CRHR1: variants seen among roughly 807,000 people sequenced by gnomAD.
CRHR1 encodes the protein corticotropin-releasing hormone receptor 1.
A neutral mutation model predicts 56.0 loss-of-function variants in CRHR1; 28 were observed. The observed-to-expected ratio is 0.50, with a 90% CI of 0.37 to 0.69. CRHR1 has a LOEUF of 0.69. Ranked by LOEUF, CRHR1 falls within the 30% of genes least tolerant of loss-of-function variation. The pLI, the probability that CRHR1 is intolerant of heterozygous loss-of-function variation, is 0.00. For synonymous variants in CRHR1, 195 were observed against 216.5 expected (o/e 0.90, Z 0.87); for missense variants, 376 against 548.0 (o/e 0.69, Z 3.13).
At chr17:45,829,181 G>A (rs1316573349) in intron 4 of CRHR1, 34 bp from the exon 5 acceptor site, 25 of 1,557,304 alleles carry the variant, frequency 1.6e-5, no homozygotes, top group Non-Finnish European at 2.2e-5. Flanking sequence ...CCATCCAGCA[G>A]AAGGCTCACC....
At chr17:45,833,693 T>TGGGGGGGGGGCGGCC in intron 10 of CRHR1, 21 bp from the exon 11 acceptor site, 1 of 1,571,618 alleles carries the variant, frequency 6.4e-7, no homozygotes, top group Non-Finnish European at 8.7e-7. Flanking sequence ...ACTCCGAGCC[T>TGGGGGGGGGGCGGCC]CCCCACCCGC....
At position 45,816,457 on chromosome 17, in the gene CRHR1, C is replaced by T. The variant is rs1568053416; in HGVS notation, c.122-6C>T. 1 of 1,613,962 alleles carries T rather than the reference C, an allele frequency of 6.2e-7. No individual in the cohort carries two copies. Among genetic ancestry groups the T allele is most frequent in the Non-Finnish European group, 8.5e-7 (1 of 1,179,980 alleles). ...GCTGTGCCTTACCAGCCGTCTCTGCCCCCAGGACTGCAGTGCAACGCATCC... is the reference window on the plus strand; with the variant it reads ...GCTGTGCCTTACCAGCCGTCTCTGCTCCCAGGACTGCAGTGCAACGCATCC... On this transcript the variant is annotated splice_polypyrimidine_tract_variant and splice_region_variant and intron_variant, in intron 2 of 12. Coordinates refer to ENST00000314537, the MANE Select transcript of CRHR1 (RefSeq NM_004382.5).
chr17:45,799,021 A>G (rs2146285154), intron 1 of CRHR1, among the ~76,000 whole-genome samples: 1 of 152,312 alleles, frequency 6.6e-6, no homozygotes, highest in East Asian at 1.9e-4. Context: ...AGGCTGTGGG[A>G]GGAGGGCCAG....
At chr17:45,790,797 A>G (rs557174699) in intron 1 of CRHR1, among the ~76,000 whole-genome samples, 5 of 152,360 alleles carry the variant, frequency 3.3e-5, no homozygotes, top group South Asian at 4.1e-4. Flanking sequence ...GGCTTGTTCT[A>G]GACTGACCGC....
intron 1 of CRHR1, among the ~76,000 whole-genome samples, chr17:45,803,757 C>T (rs868541184): frequency 4.5e-4 from 58 of 129,548 alleles, no homozygotes; most frequent in Admixed American, 1.2e-3. Context: ...AGAGAGAGTG[C>T]GTGTGTGTGT....
At chr17:45,794,893 C>T (rs1262070944) in intron 1 of CRHR1, among the ~76,000 whole-genome samples, 1 of 152,246 alleles carries the variant, frequency 6.6e-6, no homozygotes. Context: ...GGTGCCGGCC[C>T]TGGAGAGGCT....
chr17:45,819,170 A>G (rs751973752), intron 3 of CRHR1, among the ~76,000 whole-genome samples: 18 of 152,242 alleles, frequency 1.2e-4, no homozygotes, highest in Non-Finnish European at 1.9e-4. Context: ...TACAGCTCCA[A>G]GACAATAATA....
At chr17:45,821,968 A>G (rs2062051515) in intron 4 of CRHR1, among the ~76,000 whole-genome samples, 1 of 152,192 alleles carries the variant, frequency 6.6e-6, no homozygotes, top group Admixed American at 6.5e-5. Flanking sequence ...TGGGAATACA[A>G]TGTCCCCTCC....
At chr17:45,786,132 T>TG (rs1000047582) in intron 1 of CRHR1, among the ~76,000 whole-genome samples, 1 of 150,310 alleles carries the variant, frequency 6.7e-6, no homozygotes, top group Non-Finnish European at 1.5e-5. Context: ...CTTTTCTTTT[T>TG]TTTTTTTTCA....
At chr17:45,787,224 G>T (rs1001840701) in intron 1 of CRHR1, among the ~76,000 whole-genome samples, 1 of 152,188 alleles carries the variant, frequency 6.6e-6, no homozygotes, top group Non-Finnish European at 1.5e-5. Context: ...GAGAGACGAT[G>T]TGTGTACAAG....
At chr17:45,831,738 T>C (rs1268924061) in intron 8 of CRHR1, among the ~76,000 whole-genome samples, 1 of 152,100 alleles carries the variant, frequency 6.6e-6, no homozygotes, top group East Asian at 1.9e-4. Flanking sequence ...AAGGTGGACA[T>C]GGATGGCAGG....
At chr17:45,788,621 T>G (rs1158133275) in intron 1 of CRHR1, among the ~76,000 whole-genome samples, 2 of 152,214 alleles carry the variant, frequency 1.3e-5, no homozygotes, top group Non-Finnish European at 2.9e-5. Context: ...GGAAAGTGCC[T>G]GGAACAGTGC....
chr17:45,792,682 G>T (rs2061447806), intron 1 of CRHR1, among the ~76,000 whole-genome samples: 1 of 152,132 alleles, frequency 6.6e-6, no homozygotes, highest in African/African-American at 2.4e-5. Context: ...GTCTCTCACT[G>T]GTTGTTCCTT....
At chr17:45,832,292 G>T (rs567526130) in intron 8 of CRHR1, among the ~76,000 whole-genome samples, 2 of 152,290 alleles carry the variant, frequency 1.3e-5, no homozygotes, top group South Asian at 4.1e-4. Context: ...AGTCTGAGCG[G>T]CTCTGAAGCT....
At chr17:45,799,220 C>T (rs1360351083) in intron 1 of CRHR1, among the ~76,000 whole-genome samples, 1 of 152,194 alleles carries the variant, frequency 6.6e-6, no homozygotes, top group African/African-American at 2.4e-5. Context: ...CCCCACTGAC[C>T]CCTCCACTTG....
At chr17:45,789,470 C>T (rs1487371252) in intron 1 of CRHR1, among the ~76,000 whole-genome samples, 1 of 151,810 alleles carries the variant, frequency 6.6e-6, no homozygotes, top group Non-Finnish European at 1.5e-5. Context: ...CTTGTGGGCT[C>T]AAGTGATCCT....
At position 45,816,519 on chromosome 17, in the gene CRHR1, G is replaced by C; in HGVS notation, c.178G>C (p.Ala60Pro). Residue 60 changes from alanine to proline, a missense_variant, in exon 3 of 13, where the codon GCG (alanine) becomes CCG (proline). This residue lies in a region of CRHR1 where 369 missense variants were observed against 519.5 expected (regional missense o/e 0.71). Transcript: ENST00000314537. Reference protein sequence around the residue: ...LIGTCWPRSPAGQLVVRPCPA... With the variant: ...LIGTCWPRSPPGQLVVRPCPA... Reference sequence around the variant, plus strand: ...TGGCACCTGCTGGCCCCGCAGCCCTGCGGGGCAGCTAGTGGTTCGGCCCTG... The same window carrying C: ...TGGCACCTGCTGGCCCCGCAGCCCTCCGGGGCAGCTAGTGGTTCGGCCCTG... 1 of 1,614,160 alleles carries C rather than the reference G, an allele frequency of 6.2e-7. No individual in the cohort carries two copies.
At chr17:45,816,671 A>G (rs2061935648) in intron 3 of CRHR1, 89 bp downstream of exon 3, 1 of 1,582,282 alleles carries the variant, frequency 6.3e-7, no homozygotes, top group Non-Finnish European at 8.6e-7. Context: ...AATGACGATG[A>G]CAATAACAGT....
At chr17:45,829,488 G>T in intron 5 of CRHR1, 167 bp downstream of exon 5, 2 of 1,448,050 alleles carry the variant, frequency 1.4e-6, no homozygotes, top group Admixed American at 2.1e-5. Flanking sequence ...TGGCAGAGCC[G>T]CTCTGCCCTC....
Sources: gnomAD v4.1 joint callset for allele counts (sites outside exome capture counted in the v4.1 genomes callset) on GRCh38, gnomAD v4.1.1 for gene constraint, gnomAD v4.1.1 regional missense constraint, MANE v1.5 for transcripts, NCBI Gene and HGNC (gene_info 2026-07-23, HGNC 2026-07-21) for gene names.